Variants in DOK6 observed in about 807,000 individuals in gnomAD.
DOK6 encodes the protein docking protein 6.
A neutral mutation model predicts 44.0 loss-of-function variants in DOK6; 22 were observed. The ratio of observed to expected loss-of-function variants is 0.50; its 90% CI spans 0.36 to 0.71. DOK6 has a LOEUF of 0.71. Ranked by LOEUF, DOK6 falls within the 30% of genes least tolerant of loss-of-function variation. DOK6 has a pLI of 0.00. For synonymous variants in DOK6, 166 were observed against 145.5 expected (o/e 1.14, Z -1.01); for missense variants, 340 against 416.4 (o/e 0.82, Z 1.60).
intron 1 of DOK6, among the ~76,000 whole-genome samples, chr18:69,545,659 T>C (rs1467342693): frequency 6.6e-6 from 1 of 151,310 alleles, no homozygotes; most frequent in Non-Finnish European, 1.5e-5. Context: ...AGCTAAATAA[T>C]AGAACTGGAA....
chr18:69,509,374 A>G (rs1413831382), intron 1 of DOK6, among the ~76,000 whole-genome samples: 1 of 152,140 alleles, frequency 6.6e-6, no homozygotes, highest in Non-Finnish European at 1.5e-5. Context: ...GCGGTGGTTC[A>G]CGCCTGTAAT....
intron 4 of DOK6, among the ~76,000 whole-genome samples, chr18:69,695,824 G>A (rs763015458): frequency 7.5e-4 from 114 of 152,290 alleles, no homozygotes; most frequent in Non-Finnish European, 1.3e-3. Flanking sequence ...TCTTTCTAAA[G>A]TTGCAAGAAA....
At chr18:69,712,109 G>A (rs1440565435) in intron 5 of DOK6, among the ~76,000 whole-genome samples, 4 of 149,236 alleles carry the variant, frequency 2.7e-5, no homozygotes, top group South Asian at 2.1e-4. Flanking sequence ...GTGAAACCCC[G>A]TCTCTACTAA....
rs138585200 is a variant in DOK6 at position 69,802,190 on chromosome 18, G to A, written c.857-39054G>A. ...TTCTACAGTAGATCACAAGGCCCCT[G>A]AGAACAGAAATGGTGTGTTTTTTCT... On this transcript the variant is annotated intron_variant, in intron 7 of 7. Transcript: ENST00000382713. Among the ~76,000 whole-genome samples the A allele has an allele frequency of 1.3e-4, 20 of 152,268 alleles. No homozygotes were observed. In the East Asian group the frequency reaches 3.3e-3, roughly 25 times the overall value.
intron 1 of DOK6, among the ~76,000 whole-genome samples, chr18:69,452,343 T>C (rs1979493844): frequency 6.6e-6 from 1 of 151,066 alleles, no homozygotes; most frequent in South Asian, 2.1e-4. Flanking sequence ...AACACATACA[T>C]TCTCCCAAGA....
At chr18:69,482,950 T>C (rs891102994) in intron 1 of DOK6, among the ~76,000 whole-genome samples, 4 of 151,944 alleles carry the variant, frequency 2.6e-5, no homozygotes, top group African/African-American at 9.7e-5. Context: ...TAAACTTGTG[T>C]CATGGGGGTT....
chr18:69,406,402 G>A (rs563253242), intron 1 of DOK6, among the ~76,000 whole-genome samples: 2 of 152,236 alleles, frequency 1.3e-5, no homozygotes, highest in African/African-American at 4.8e-5. Context: ...GAAAATTAAG[G>A]TAATTTTTAC....
chr18:69,840,503 T>G (rs1477229509), intron 7 of DOK6, among the ~76,000 whole-genome samples: 1 of 152,244 alleles, frequency 6.6e-6, no homozygotes, highest in Non-Finnish European at 1.5e-5. Context: ...TCTGAAAAGT[T>G]TTCGGTAATC....
intron 6 of DOK6, among the ~76,000 whole-genome samples, chr18:69,746,784 C>G (rs960283464): frequency 1.3e-5 from 2 of 152,110 alleles, no homozygotes; most frequent in Non-Finnish European, 2.9e-5. Context: ...GAAAATTAAG[C>G]CAAGTCTGTG....
chr18:69,537,779 A>G (rs1982162276), intron 1 of DOK6, among the ~76,000 whole-genome samples: 2 of 152,230 alleles, frequency 1.3e-5, no homozygotes, highest in African/African-American at 4.8e-5. Flanking sequence ...CCAAAATTCC[A>G]GTAAAATCTC....
intron 3 of DOK6, among the ~76,000 whole-genome samples, chr18:69,652,315 C>T (rs1985250757): frequency 6.6e-6 from 1 of 152,156 alleles, no homozygotes; most frequent in South Asian, 2.1e-4. Flanking sequence ...ATTTTGTTCA[C>T]ACTTGTTTTA....
At chr18:69,519,947 A>G (rs1391472085) in intron 1 of DOK6, among the ~76,000 whole-genome samples, 1 of 151,844 alleles carries the variant, frequency 6.6e-6, no homozygotes, top group Non-Finnish European at 1.5e-5. Context: ...ATGAAATGTT[A>G]TTGTTCATGA....
At chr18:69,557,936 C>A (rs766281373) in intron 1 of DOK6, among the ~76,000 whole-genome samples, 1 of 152,126 alleles carries the variant, frequency 6.6e-6, no homozygotes, top group African/African-American at 2.4e-5. Context: ...ACTGCCCCAT[C>A]TCTTCCCACC....
intron 2 of DOK6, among the ~76,000 whole-genome samples, chr18:69,573,725 ACCTT>A (rs1983172689): frequency 6.6e-6 from 1 of 151,812 alleles, no homozygotes; most frequent in Non-Finnish European, 1.5e-5. Flanking sequence ...CTTTGTATCA[ACCTT>A]ACTATGTCTC....
intron 1 of DOK6, among the ~76,000 whole-genome samples, chr18:69,430,242 T>TA (rs1161813335): frequency 1.3e-5 from 2 of 152,196 alleles, no homozygotes; most frequent in African/African-American, 4.8e-5. Context: ...CATCCAATTT[T>TA]AGAATATTTA....
In DOK6 at chr18:69,608,128, T is replaced by A. The variant is rs572540893; in HGVS notation, c.289+8630T>A. The stretch of plus-strand genomic sequence containing the variant: ...GATTAAAAGGAACCCTCAGTTCAAG[T>A]TATAAATTTATTTAAAATCTTATAA... On this transcript the variant is annotated intron_variant, in intron 3 of 7. Transcript: ENST00000382713. Among the ~76,000 whole-genome samples, 55 of 152,328 alleles carry A rather than the reference T, an allele frequency of 3.6e-4. No homozygotes were observed. The South Asian group carries it at 0.011, about 31-fold the overall frequency.
intron 2 of DOK6, among the ~76,000 whole-genome samples, chr18:69,573,097 G>T (rs988282821): frequency 2.0e-5 from 3 of 151,720 alleles, no homozygotes; most frequent in Admixed American, 6.6e-5. Context: ...ATAGGGTTTT[G>T]GCCTTGACAG....
chr18:69,642,324 TTTTTATTTTATTTTA>T (rs565530201), intron 3 of DOK6, among the ~76,000 whole-genome samples: 1 of 152,164 alleles, frequency 6.6e-6, no homozygotes, highest in East Asian at 1.9e-4. Flanking sequence ...CCTATAGCGA[TTTTTATTTTATTTTA>T]TTTTATTTTA....
rs115173137 is a variant in DOK6 at position 69,793,450 on chromosome 18, A to C, written c.856+35577A>C. On this transcript the variant is annotated intron_variant, in intron 7 of 7. Coordinates refer to ENST00000382713, the MANE Select transcript of DOK6 (RefSeq NM_152721.6). ...AGGCCAGCTAGTTGATTACCGCACC[A>C]GAGTTTCATAAAGTGACAATGCTTT... 5.1e-3 allele frequency among the ~76,000 whole-genome samples: 776 copies of C among 152,266 alleles called. 11 individuals carry two copies. Among genetic ancestry groups the C allele is most frequent in the African/African-American group, 0.018 (755 of 41,568 alleles).
Sources: gnomAD v4.1 joint callset for allele counts (sites outside exome capture counted in the v4.1 genomes callset) on GRCh38, gnomAD v4.1.1 for gene constraint, MANE v1.5 for transcripts, NCBI Gene and HGNC (gene_info 2026-07-23, HGNC 2026-07-21) for gene names.